The following HM13 variants were observed in gnomAD, a reference collection of about 807,000 sequenced individuals.
HM13 encodes histocompatibility minor 13, also known as signal peptide peptidase.
HM13 carries 18 observed loss-of-function variants against 50.0 expected under a neutral mutation model. The ratio of observed to expected loss-of-function variants is 0.36; its 90% CI spans 0.25 to 0.53. The LOEUF (loss-of-function observed/expected upper bound fraction) is 0.53. Among genes scored for constraint, HM13 ranks in the 20% least tolerant of loss-of-function variants. The pLI is 0.90. For missense variants in HM13, 393 were observed against 552.4 expected, an observed-to-expected ratio of 0.71 and a Z score of 2.89; for synonymous variants, 197 against 232.6, an observed-to-expected ratio of 0.85 and a Z score of 1.39.
At chr20:31,545,727 CTTTGT>C (rs1983676492) in intron 4 of HM13, among the ~76,000 whole-genome samples, 1 of 152,128 alleles carries the variant, frequency 6.6e-6, no homozygotes, top group Admixed American at 6.5e-5. Context: ...GCAGGTATTT[CTTTGT>C]TTTTTGTTTT....
At chr20:31,520,680 T>C (rs1982103371) in intron 1 of HM13, among the ~76,000 whole-genome samples, 1 of 152,038 alleles carries the variant, frequency 6.6e-6, no homozygotes, top group South Asian at 2.1e-4. Context: ...GGGTGGGTGA[T>C]AGGCAGGAGG....
chr20:31,539,959 T>G (rs1400855452), intron 3 of HM13: 2 of 152,188 alleles, frequency 1.3e-5, no homozygotes, highest in Admixed American at 1.3e-4. Flanking sequence ...TGAGCATAGT[T>G]CTTCTACCTA....
At chr20:31,522,391 C>T (rs765103427) in intron 1 of HM13, among the ~76,000 whole-genome samples, 1 of 152,024 alleles carries the variant, frequency 6.6e-6, no homozygotes, top group Non-Finnish European at 1.5e-5. Context: ...GGTGAAACCC[C>T]ATCTCTACTA....
chr20:31,561,687 T>C lies in HM13; in HGVS notation c.899T>C (p.Phe300Ser), dbSNP rs1342496693. Reference sequence around the variant, plus strand: ...TACACCAGCTTTGCAGCCTACATCTTCGGCCTGGGCCTTACCATCTTCATC... The same window carrying C: ...TACACCAGCTTTGCAGCCTACATCTCCGGCCTGGGCCTTACCATCTTCATC... ...YFYTSFAAYI[F>S]GLGLTIFIMH... is the part of the protein sequence containing the mutation. Residue 300 changes from phenylalanine to serine, a missense_variant, in exon 10 of 13, where the codon TTC becomes TCC. This residue lies in a region of HM13 where 74 missense variants were observed against 160.4 expected (regional missense o/e 0.46). Transcript: ENST00000398174. The C allele has an allele frequency of 6.2e-7, 1 of 1,614,088 alleles. No homozygotes were observed. The highest frequency in any genetic ancestry group is 1.7e-5 in the Admixed American group (1 of 60,022).
intron 7 of HM13, among the ~76,000 whole-genome samples, chr20:31,553,381 T>A (rs1374190957): frequency 6.6e-6 from 1 of 151,940 alleles, no homozygotes; most frequent in Non-Finnish European, 1.5e-5. Flanking sequence ...CCTGATTGGC[T>A]TAGTCTTGCA....
At chr20:31,518,653 A>G (rs1461585094) in intron 1 of HM13, among the ~76,000 whole-genome samples, 1 of 151,804 alleles carries the variant, frequency 6.6e-6, no homozygotes, top group African/African-American at 2.4e-5. Context: ...CTCAAAAATA[A>G]TAATAATAAT....
chr20:31,516,785 C>T (rs184467925), intron 1 of HM13, among the ~76,000 whole-genome samples: 123 of 152,294 alleles, frequency 8.1e-4, no homozygotes, highest in African/African-American at 2.8e-3. Context: ...TATGAATTTA[C>T]AAACAGGACC....
At chr20:31,532,385 C>T (rs1368655361) in intron 2 of HM13, among the ~76,000 whole-genome samples, 1 of 152,008 alleles carries the variant, frequency 6.6e-6, no homozygotes, top group Admixed American at 6.6e-5. Flanking sequence ...AGATCGTGCC[C>T]CTGCACTCCA....
At chr20:31,536,767 C>T (rs1983134705) in intron 2 of HM13, among the ~76,000 whole-genome samples, 1 of 152,236 alleles carries the variant, frequency 6.6e-6, no homozygotes, top group South Asian at 2.1e-4. Context: ...GTTTATGACG[C>T]TCCTCCTATG....
In HM13 at chr20:31,514,840, C is replaced by T. The variant is rs1311081012; in HGVS notation, c.183+106C>T. ...CACCTCTCCCCGGACACTGACTCTT[C>T]CCAGCCCTGATCACCACCGTTCCCT... On this transcript the variant is annotated intron_variant, in intron 1 of 12. Coordinates refer to ENST00000398174, the MANE Select transcript of HM13 (RefSeq NM_178581.3). The surrounding 1 kb of genome is among the most constrained non-coding windows in gnomAD (Gnocchi z 4.3). 2 of 1,101,772 alleles carry T rather than the reference C, an allele frequency of 1.8e-6. No individual in the cohort carries two copies. The highest frequency in any genetic ancestry group is 5.6e-5 in the East Asian group (2 of 35,968). The allele number at this position is 1,101,772 out of a possible 1,614,324, so 68.2% of individuals were successfully genotyped here. A position where few individuals can be genotyped will look rare whatever the true frequency, so the allele number is the denominator to read the frequency against.
intron 3 of HM13, chr20:31,541,813 TAGACC>T (rs1359563924): frequency 6.6e-6 from 1 of 152,218 alleles, no homozygotes; most frequent in African/African-American, 2.4e-5. Flanking sequence ...TCCACAAACT[TAGACC>T]TTCCTCAGGA....
intron 2 of HM13, among the ~76,000 whole-genome samples, chr20:31,536,586 G>A (rs1983119381): frequency 6.6e-6 from 1 of 152,100 alleles, no homozygotes; most frequent in African/African-American, 2.4e-5. Context: ...TCTCATGCAG[G>A]CAAATCTAAA....
chr20:31,567,909 T>C lies in HM13; in HGVS notation c.1035-169T>C, dbSNP rs962452314. On this transcript the variant is annotated intron_variant, in intron 11 of 12. Transcript: ENST00000398174. ...GCCTTTGTCTAGGTGCATCTTTCTTTTTTCATTCTCCAAATAATATCAGCT... is the reference window on the plus strand; with the variant it reads ...GCCTTTGTCTAGGTGCATCTTTCTTCTTTCATTCTCCAAATAATATCAGCT... The C allele has an allele frequency of 5.7e-5, 36 of 631,384 alleles. No homozygotes were observed. In the East Asian group the frequency reaches 9.7e-4, roughly 17 times the overall value. The allele number at this position is 631,384 out of a possible 1,614,324, so 39.1% of individuals were successfully genotyped here.
Position 31,569,449 on chromosome 20 carries a change from C to G in HM13, c.*230C>G, listed in dbSNP as rs991711015. 2.0e-5 allele frequency: 8 copies of G among 409,462 alleles called. No homozygotes were observed. The highest frequency in any genetic ancestry group is 3.6e-5 in the East Asian group (1 of 27,868). The allele number at this position is 409,462 out of a possible 1,614,324, so 25.4% of individuals were successfully genotyped here. A position where few individuals can be genotyped will look rare whatever the true frequency, so the allele number is the denominator to read the frequency against. ...GGCAAAAGAAACCCCCAGCTTCCCC[C>G]CTCCCCGGGAGCCAGGTGGGAAAAG... is the stretch of plus-strand genomic sequence containing the variant. On this transcript the variant is annotated 3_prime_UTR_variant, in exon 13 of 13. Transcript: ENST00000398174.
At chr20:31,531,316 G>A (rs1600629502) in intron 2 of HM13, among the ~76,000 whole-genome samples, 1 of 152,174 alleles carries the variant, frequency 6.6e-6, no homozygotes, top group East Asian at 1.9e-4. Context: ...TGGGATTACA[G>A]GTGTGAGCCA....
intron 10 of HM13, among the ~76,000 whole-genome samples, chr20:31,565,205 G>T (rs982108009): frequency 6.6e-6 from 1 of 151,538 alleles, no homozygotes; most frequent in Non-Finnish European, 1.5e-5. Flanking sequence ...TGGGCTGGGC[G>T]TGGTGCCTCA....
At chr20:31,516,389 G>A (rs1014873176) in intron 1 of HM13, among the ~76,000 whole-genome samples, 5 of 152,214 alleles carry the variant, frequency 3.3e-5, no homozygotes, top group Non-Finnish European at 7.3e-5. Flanking sequence ...GAGGATTGCT[G>A]CAAAGATGAG....
chr20:31,567,068 G>T (rs1425326523), intron 11 of HM13, among the ~76,000 whole-genome samples: 2 of 152,094 alleles, frequency 1.3e-5, no homozygotes, highest in Non-Finnish European at 2.9e-5. Flanking sequence ...CCGCAGGGGA[G>T]CCTGTGACTC....
In HM13 at chr20:31,568,231, C is replaced by T. The variant is rs1314185396; in HGVS notation, c.1181+7C>T. The T allele has an allele frequency of 6.2e-7, 1 of 1,611,146 alleles. No individual in the cohort carries two copies. Among genetic ancestry groups the T allele is most frequent in the Non-Finnish European group, 8.5e-7 (1 of 1,179,182 alleles). ...CGCAGAATCCCAGCGCCATGTAATGCCCAGCGGGTGCCCACCTGCCCGCTT... is the reference window on the plus strand; with the variant it reads ...CGCAGAATCCCAGCGCCATGTAATGTCCAGCGGGTGCCCACCTGCCCGCTT... On this transcript the variant is annotated splice_region_variant and intron_variant, in intron 12 of 12. Coordinates refer to ENST00000398174, the MANE Select transcript of HM13 (RefSeq NM_178581.3).
Sources: gnomAD v4.1 joint callset for allele counts (sites outside exome capture counted in the v4.1 genomes callset) on GRCh38, gnomAD v4.1.1 for gene constraint, gnomAD v4.1.1 regional missense constraint, Gnocchi (gnomAD v3.1) non-coding constraint, MANE v1.5 for transcripts, NCBI Gene and HGNC (gene_info 2026-07-23, HGNC 2026-07-21) for gene names.